The following PCSK6 variants were observed in gnomAD, a reference collection of about 807,000 sequenced individuals.
The protein encoded by PCSK6 is paired basic amino acid cleaving enzyme 4.
A neutral mutation model predicts 123.3 loss-of-function variants in PCSK6; 85 were observed. The ratio of observed to expected loss-of-function variants is 0.69; its 90% CI spans 0.58 to 0.83. The LOEUF (loss-of-function observed/expected upper bound fraction) is 0.83. Among genes scored for constraint, PCSK6 ranks in the 40% least tolerant of loss-of-function variants. The pLI, the probability that PCSK6 is intolerant of heterozygous loss-of-function variation, is 0.00. For missense variants in PCSK6, 1,191 were observed against 1,282.3 expected, an observed-to-expected ratio of 0.93 and a Z score of 1.09; for synonymous variants, 508 against 516.0, an observed-to-expected ratio of 0.98 and a Z score of 0.21.
intron 1 of PCSK6, among the ~76,000 whole-genome samples, chr15:101,472,257 G>A (rs1175606369): frequency 3.9e-5 from 6 of 152,196 alleles, no homozygotes; most frequent in African/African-American, 1.2e-4. Flanking sequence ...TGAAGGGGCC[G>A]ACGCAGAAAT....
At chr15:101,399,429 T>G (rs1472894261) in intron 6 of PCSK6, among the ~76,000 whole-genome samples, 1 of 152,142 alleles carries the variant, frequency 6.6e-6, no homozygotes, top group Non-Finnish European at 1.5e-5. Flanking sequence ...GGGTTTGGGT[T>G]CTATGTTCCC....
At position 101,327,978 on chromosome 15, in the gene PCSK6, C is replaced by T. The variant is rs796183891; in HGVS notation, c.2078-1499G>A. Among the ~76,000 whole-genome samples, 10 of 152,340 alleles carry T rather than the reference C, an allele frequency of 6.6e-5. No individual in the cohort carries two copies. The East Asian group carries it at 1.2e-3, about 18-fold the overall frequency. ...AAACTCATTACTAAACTCCTCCCCCCAGCTCCAGAGGGTTTACTATAATAT... is the reference window on the plus strand; with the variant it reads ...AAACTCATTACTAAACTCCTCCCCCTAGCTCCAGAGGGTTTACTATAATAT... On this transcript the variant is annotated intron_variant, in intron 15 of 21. Transcript: ENST00000611716.
At position 101,331,916 on chromosome 15, in the gene PCSK6, C is replaced by T. The variant is rs2040379266; in HGVS notation, c.1974G>A (p.Glu658=). The T allele has an allele frequency of 1.2e-6, 2 of 1,613,916 alleles. No homozygotes were observed. The highest frequency in any genetic ancestry group is 8.5e-7 in the Non-Finnish European group (1 of 1,179,874). Residue 658 remains glutamate (E), a synonymous_variant, in exon 14 of 22, where the codon GAG becomes GAA. Transcript: ENST00000611716. The stretch of plus-strand genomic sequence containing the variant: ...AGGGTGACAGGGCAGCCTTGGGTGG[C>T]TCCAGCTCTGGGGCTGAGAGCTCCA... ...RMLELSAPEL[E]PPKAALSPSQ...
chr15:101,434,752 G>A (rs143984356), intron 2 of PCSK6, among the ~76,000 whole-genome samples: 17 of 152,308 alleles, frequency 1.1e-4, no homozygotes, highest in African/African-American at 2.4e-4. Flanking sequence ...GGGCTTCTCC[G>A]TGGAGACGGG....
At chr15:101,351,633 A>G (rs895066473) in intron 13 of PCSK6, among the ~76,000 whole-genome samples, 1 of 152,240 alleles carries the variant, frequency 6.6e-6, no homozygotes, top group African/African-American at 2.4e-5. Flanking sequence ...GTTGGCTAAC[A>G]TCCTTTATAT....
chr15:101,324,916 A>ACCCGC lies in PCSK6; in HGVS notation c.2306_2310dup (p.Phe771AlafsTer9). 1 of 1,613,518 alleles carries ACCCGC rather than the reference A, an allele frequency of 6.2e-7. No homozygotes were observed. The highest frequency in any genetic ancestry group is 8.5e-7 in the Non-Finnish European group (1 of 1,179,880). ...GTGTTCATCTCCTGGTGGTGATAGA[A>ACCCGC]CCCGCGGCGGCAAGACAGGCACTGC... On this transcript the variant is annotated frameshift_variant, in exon 17 of 22. Transcript: ENST00000611716. LOFTEE classifies it high-confidence loss of function.
chr15:101,489,645 G>C lies in PCSK6; in HGVS notation c.26C>G (p.Pro9Arg). The C allele has an allele frequency of 1.0e-6, 1 of 977,288 alleles. No individual in the cohort carries two copies. The highest frequency in any genetic ancestry group is 1.2e-4 in the East Asian group (1 of 8,550). The allele number at this position is 977,288 out of a possible 1,614,324, so 60.5% of individuals were successfully genotyped here. A position where few individuals can be genotyped will look rare whatever the true frequency, so the allele number is the denominator to read the frequency against. Residue 9 changes from proline to arginine, a missense_variant, in exon 1 of 22, where the codon CCC becomes CGC. Coordinates refer to ENST00000611716, the MANE Select transcript of PCSK6 (RefSeq NM_002570.5). Reference sequence around the variant, plus strand: ...GGCCCGGGGCGGCGGCCGGGGCCCGGGCGCAGGCGGCGCGCGCGGAGGCAT... The same window carrying C: ...GGCCCGGGGCGGCGGCCGGGGCCCGCGCGCAGGCGGCGCGCGCGGAGGCAT... Reference protein sequence around the residue: MPPRAPPAPGPRPPPRAAA... With the variant: MPPRAPPARGPRPPPRAAA...
At chr15:101,451,628 G>A (rs1019480462) in intron 1 of PCSK6, among the ~76,000 whole-genome samples, 6 of 152,280 alleles carry the variant, frequency 3.9e-5, no homozygotes, top group South Asian at 4.1e-4. Context: ...AACCCCGTCC[G>A]CTCCGCAGCT....
Position 101,330,946 on chromosome 15 carries a change from A to C in PCSK6, c.2077+705T>G, listed in dbSNP as rs935029400. Among the ~76,000 whole-genome samples the C allele has an allele frequency of 3.9e-5, 6 of 152,256 alleles. No homozygotes were observed. In the East Asian group the frequency reaches 1.2e-3, roughly 29 times the overall value. Reference sequence around the variant, plus strand: ...TCCATTTGTTATTTGTTTTTCACAGAAGATATTAGATAACTTAAAGCATCA... The same window carrying C: ...TCCATTTGTTATTTGTTTTTCACAGCAGATATTAGATAACTTAAAGCATCA... On this transcript the variant is annotated intron_variant, in intron 15 of 21. Transcript: ENST00000611716.
intron 7 of PCSK6, among the ~76,000 whole-genome samples, chr15:101,397,012 C>T (rs2042432819): frequency 6.6e-6 from 1 of 152,108 alleles, no homozygotes; most frequent in African/African-American, 2.4e-5. Context: ...CCGCCTCACA[C>T]TTGCAGAGTG....
chr15:101,369,627 T>C (rs1366223233), intron 12 of PCSK6, among the ~76,000 whole-genome samples: 1 of 152,260 alleles, frequency 6.6e-6, no homozygotes, highest in Non-Finnish European at 1.5e-5. Context: ...GGTACCAGAA[T>C]ACCCTGGCCC....
chr15:101,389,889 C>A (rs999474549), intron 8 of PCSK6, among the ~76,000 whole-genome samples: 2 of 152,094 alleles, frequency 1.3e-5, no homozygotes, highest in African/African-American at 4.8e-5. Flanking sequence ...AACATGAAAC[C>A]AAGACGCACC....
intron 13 of PCSK6, among the ~76,000 whole-genome samples, chr15:101,339,644 C>T (rs372662266): frequency 3.1e-4 from 47 of 152,120 alleles, no homozygotes; most frequent in African/African-American, 1.1e-3. Context: ...CAGTAGCTCA[C>T]GCTTGTGATC....
intron 6 of PCSK6, among the ~76,000 whole-genome samples, chr15:101,403,780 C>T (rs1405566544): frequency 5.3e-5 from 8 of 152,128 alleles, no homozygotes; most frequent in East Asian, 1.9e-4. Flanking sequence ...AGGACAGTGG[C>T]GCCATTTCGG....
rs376291078 is a variant in PCSK6 at position 101,431,436 on chromosome 15, G to T, written c.541C>A (p.Arg181=). The T allele has an allele frequency of 6.2e-7, 1 of 1,613,568 alleles. No individual in the cohort carries two copies. Among genetic ancestry groups the T allele is most frequent in the Admixed American group, 1.7e-5 (1 of 59,964 alleles). ...LHCGDKNSRC[R]SEMNVQAAWK... ...GCTGCCTGGACATTCATTTCCGACC[G>T]GCAGCGACTGTTCTTGTCGCCACAA... is the stretch of plus-strand genomic sequence containing the variant. The change falls in exon 4 of 22, where the codon CGG becomes AGG. Residue 181 remains arginine, a synonymous_variant. Coordinates refer to ENST00000611716, the MANE Select transcript of PCSK6 (RefSeq NM_002570.5).
At chr15:101,468,638 C>A (rs1038287686) in intron 1 of PCSK6, among the ~76,000 whole-genome samples, 13 of 152,202 alleles carry the variant, frequency 8.5e-5, no homozygotes, top group African/African-American at 3.1e-4. Context: ...AAAGAACCAT[C>A]CCAGGCAAAA....
intron 2 of PCSK6, 49 bp downstream of exon 2, chr15:101,443,507 A>T: frequency 7.5e-7 from 1 of 1,338,340 alleles, no homozygotes; most frequent in East Asian, 2.3e-5. Context: ...TTTTAAGACC[A>T]CAGACCCAAA....
chr15:101,398,427 C>G lies in PCSK6; in HGVS notation c.973G>C (p.Ala325Pro). 1 of 1,612,448 alleles carries G rather than the reference C, an allele frequency of 6.2e-7. No homozygotes were observed. Among genetic ancestry groups the G allele is most frequent in the Non-Finnish European group, 8.5e-7 (1 of 1,178,754 alleles). ...ACCTTTTTAATGCCATACTCGAAAG[C>G]CTGCTTAGCCAGTCGGCCGGGCCCG... ...VDGPGRLAKQ[A>P]FEYGIKKGRQ... is the part of the protein sequence containing the mutation. The change falls in exon 7 of 22, where the codon GCT (alanine) becomes CCT (proline). Residue 325 changes from alanine (A) to proline (P), a missense_variant. Around this residue, in one of 3 missense-constraint regions of PCSK6, gnomAD observed 357 missense variants for 484.5 expected, o/e 0.74. Coordinates refer to ENST00000611716, the MANE Select transcript of PCSK6 (RefSeq NM_002570.5). This position sits in a 1 kb window ranked among gnomAD's most constrained non-coding sequence, Gnocchi z 4.6.
rs1292139541 is a variant in PCSK6 at position 101,398,229 on chromosome 15, A to G, written c.996+175T>C. 6.6e-6 allele frequency among the ~76,000 whole-genome samples: 1 copy of G among 152,208 alleles called. No homozygotes were observed. The highest frequency in any genetic ancestry group is 1.5e-5 in the Non-Finnish European group (1 of 68,026). ...AAAACACTTCTGCTCTCGCCGGTCA[A>G]GAGCCACTTCTCAGACTCCCCGAGT... On this transcript the variant is annotated intron_variant, in intron 7 of 21. Coordinates refer to ENST00000611716, the MANE Select transcript of PCSK6 (RefSeq NM_002570.5). The surrounding 1 kb of genome is among the most constrained non-coding windows in gnomAD (Gnocchi z 4.6).
Sources: gnomAD v4.1 joint callset for allele counts (sites outside exome capture counted in the v4.1 genomes callset) on GRCh38, gnomAD v4.1.1 for gene constraint, gnomAD v4.1.1 regional missense constraint, Gnocchi (gnomAD v3.1) non-coding constraint, MANE v1.5 for transcripts, NCBI Gene and HGNC (gene_info 2026-07-23, HGNC 2026-07-21) for gene names.